Variants in ZBBX observed in about 807,000 individuals in gnomAD.
ZBBX encodes zinc finger B-box domain-containing protein 1.
Under a neutral mutation model 108.5 loss-of-function variants are expected in ZBBX, and 101 were observed. The observed-to-expected ratio is 0.93, with a 90% CI of 0.79 to 1.10. The LOEUF (loss-of-function observed/expected upper bound fraction) is 1.10, where lower values mean the gene tolerates loss of function less well. Among genes scored for constraint, ZBBX ranks in the 50% least tolerant of loss-of-function variants. The probability of loss-of-function intolerance (pLI) is 0.00; values close to 1 mark genes in which losing one functional copy is unlikely to be tolerated. For synonymous variants in ZBBX, 356 were observed against 323.4 expected (o/e 1.10, Z -1.08); for missense variants, 1,009 against 941.4 (o/e 1.07, Z -0.94).
chr3:167,333,099 G>C (rs1390798476), intron 10 of ZBBX, among the ~76,000 whole-genome samples: 1 of 151,944 alleles, frequency 6.6e-6, no homozygotes, highest in Non-Finnish European at 1.5e-5. Context: ...GGTCCTACTA[G>C]CATAGAACAC....
intron 20 of ZBBX, among the ~76,000 whole-genome samples, chr3:167,254,855 G>C (rs1675034081): frequency 8.8e-6 from 1 of 113,284 alleles, no homozygotes; most frequent in Non-Finnish European, 1.8e-5. Context: ...CATTCAGTCA[G>C]GAAAGAAGCC....
At chr3:167,263,455 C>T (rs538222920) in intron 20 of ZBBX, among the ~76,000 whole-genome samples, 2 of 151,972 alleles carry the variant, frequency 1.3e-5, no homozygotes, top group African/African-American at 4.8e-5. Flanking sequence ...GAAATTTTTC[C>T]ATTTCCTTCT....
chr3:167,277,279 A>T (rs1290997283), intron 20 of ZBBX, among the ~76,000 whole-genome samples: 1 of 147,080 alleles, frequency 6.8e-6, no homozygotes, highest in Non-Finnish European at 1.5e-5. Flanking sequence ...TAAATGCTCC[A>T]ATTAAAAGAC....
At chr3:167,391,874 A>G (rs1436600423) in intron 1 of ZBBX, among the ~76,000 whole-genome samples, 1 of 151,658 alleles carries the variant, frequency 6.6e-6, no homozygotes, top group Non-Finnish European at 1.5e-5. Context: ...TAAATCAAGT[A>G]AATATATATA....
At chr3:167,186,499 C>A in the ZBBX span, among the ~76,000 whole-genome samples, 1 of 152,240 alleles carries the variant, frequency 6.6e-6, no homozygotes, top group Non-Finnish European at 1.5e-5. Context: ...AGAGGCAGAT[C>A]TGAAAGAAGG....
At chr3:167,400,125 T>C (rs752531929) in intron 1 of ZBBX, among the ~76,000 whole-genome samples, 4 of 152,182 alleles carry the variant, frequency 2.6e-5, no homozygotes, top group Admixed American at 6.5e-5. Flanking sequence ...CCTAAGTTGA[T>C]TCCGTGTCTT....
chr3:167,340,601 A>G (rs1048860441), intron 9 of ZBBX, among the ~76,000 whole-genome samples: 1 of 151,984 alleles, frequency 6.6e-6, no homozygotes, highest in Non-Finnish European at 1.5e-5. Context: ...TTCCCTGAAA[A>G]TAGGCTTTAT....
chr3:167,280,768 G>A (rs796473276), intron 20 of ZBBX, among the ~76,000 whole-genome samples: 1 of 151,812 alleles, frequency 6.6e-6, no homozygotes, highest in Non-Finnish European at 1.5e-5. Flanking sequence ...ATACCCAAAG[G>A]ACTATAAATC....
At chr3:167,405,993 G>C (rs1349345042) in intron 1 of ZBBX, among the ~76,000 whole-genome samples, 1 of 152,170 alleles carries the variant, frequency 6.6e-6, no homozygotes, top group African/African-American at 2.4e-5. Flanking sequence ...TTGAACCCGG[G>C]GGGCAGAGGT....
At chr3:167,209,095 G>A in the ZBBX span, among the ~76,000 whole-genome samples, 10 of 150,922 alleles carry the variant, frequency 6.6e-5, no homozygotes, top group Non-Finnish European at 1.5e-5. Context: ...GAAAGAGAAG[G>A]GAGGAATGGG....
chr3:167,264,219 A>T (rs541453561), intron 20 of ZBBX, among the ~76,000 whole-genome samples: 66 of 152,228 alleles, frequency 4.3e-4, no homozygotes, highest in Non-Finnish European at 7.5e-4. Flanking sequence ...GTTGTTATTG[A>T]TAAGGACTTA....
chr3:167,302,503 T>C (rs548300486), intron 17 of ZBBX, among the ~76,000 whole-genome samples: 3 of 152,006 alleles, frequency 2.0e-5, no homozygotes, highest in Non-Finnish European at 4.4e-5. Context: ...CCCCACCCCA[T>C]GTTTTAAGCA....
intron 18 of ZBBX, among the ~76,000 whole-genome samples, chr3:167,297,243 T>C (rs1731837695): frequency 6.6e-6 from 1 of 151,910 alleles, no homozygotes; most frequent in Non-Finnish European, 1.5e-5. Context: ...AAATTCACTC[T>C]CTCAGCCAAA....
chr3:167,235,293 C>T (rs1022220936), downstream of ZBBX, among the ~76,000 whole-genome samples: 1 of 151,450 alleles, frequency 6.6e-6, no homozygotes, highest in Non-Finnish European at 1.5e-5. Flanking sequence ...CCAGAAGCTG[C>T]TTAAGAATAT....
At chr3:167,364,594 T>G (rs1745040974) in intron 6 of ZBBX, among the ~76,000 whole-genome samples, 1 of 151,934 alleles carries the variant, frequency 6.6e-6, no homozygotes, top group Non-Finnish European at 1.5e-5. Flanking sequence ...TCTGTGAAAC[T>G]GGAATAATAA....
At chr3:167,245,434 T>A (rs890009994) in intron 20 of ZBBX, among the ~76,000 whole-genome samples, 4 of 152,154 alleles carry the variant, frequency 2.6e-5, no homozygotes, top group African/African-American at 9.7e-5. Flanking sequence ...TATGTCTTGT[T>A]TATTTCTCCT....
chr3:167,396,070 G>A (rs1303892834), intron 1 of ZBBX, among the ~76,000 whole-genome samples: 5 of 151,928 alleles, frequency 3.3e-5, no homozygotes, highest in East Asian at 1.9e-4. Flanking sequence ...TTGTTTTCCT[G>A]GCAAAATTTC....
rs1279514928 is a variant in ZBBX at position 167,253,316 on chromosome 3, A to G, written c.2255-10673T>C. On this transcript the variant is annotated intron_variant, in intron 20 of 21. Transcript: ENST00000675490. ...TAAAAAGAACAGGCTAGTCTCACCAATACCACGTCAATAGGGAGAAAAGTA... is the reference window on the plus strand; with the variant it reads ...TAAAAAGAACAGGCTAGTCTCACCAGTACCACGTCAATAGGGAGAAAAGTA... Among the ~76,000 whole-genome samples, 6 of 152,330 alleles carry G rather than the reference A, an allele frequency of 3.9e-5. No individual in the cohort carries two copies. The East Asian group carries it at 1.2e-3, about 29-fold the overall frequency.
chr3:167,273,793 T>C (rs1308667508), intron 20 of ZBBX, among the ~76,000 whole-genome samples: 2 of 152,174 alleles, frequency 1.3e-5, no homozygotes, highest in East Asian at 1.9e-4. Flanking sequence ...AAGCCCCTTA[T>C]GGGTCTTTTG....
Sources: gnomAD v4.1 joint callset for allele counts (sites outside exome capture counted in the v4.1 genomes callset) on GRCh38, gnomAD v4.1.1 for gene constraint, MANE v1.5 for transcripts, NCBI Gene and HGNC (gene_info 2026-07-23, HGNC 2026-07-21) for gene names.